The following MRPL3 variants were observed in gnomAD, a reference collection of about 807,000 sequenced individuals.
The protein encoded by MRPL3 is large ribosomal subunit protein uL3m.
MRPL3 carries 43 observed loss-of-function variants against 44.3 expected under a neutral mutation model. The observed-to-expected ratio is 0.97, with a 90% CI of 0.76 to 1.25. The LOEUF (loss-of-function observed/expected upper bound fraction) is 1.25, where lower values mean the gene tolerates loss of function less well. MRPL3 is among the 50% of genes most tolerant of loss of function. The pLI is 0.00. For missense variants in MRPL3, 406 were observed against 427.6 expected (o/e 0.95, Z 0.45); for synonymous variants, 171 against 152.3 (o/e 1.12, Z -0.91).
At position 131,501,555 on chromosome 3, in the gene MRPL3, A is replaced by G; in HGVS notation, c.253T>C (p.Trp85Arg). The change falls in exon 2 of 10, where the codon TGG becomes CGG. Residue 85 changes from tryptophan to arginine, a missense_variant. By Grantham distance (101) the Trp-to-Arg change is moderately radical. Transcript: ENST00000264995. Reference sequence around the variant, plus strand: ...CCTGGTTCCCAAGGATGTATAGGCCATGGTTCATCTTTCAGAGGACACAGT... The same window carrying G: ...CCTGGTTCCCAAGGATGTATAGGCCGTGGTTCATCTTTCAGAGGACACAGT... ...SKLCPLKDEP[W>R]PIHPWEPGSF... 6.2e-7 allele frequency: 1 copy of G among 1,612,010 alleles called. No homozygotes were observed. Among genetic ancestry groups the G allele is most frequent in the Non-Finnish European group, 8.5e-7 (1 of 1,179,870 alleles).
chr3:131,494,994 G>A (rs1390968460), intron 4 of MRPL3, among the ~76,000 whole-genome samples: 3 of 151,948 alleles, frequency 2.0e-5, no homozygotes, highest in Non-Finnish European at 4.4e-5. Flanking sequence ...CAATGTTTAA[G>A]GCCACTTAAC....
intron 9 of MRPL3, among the ~76,000 whole-genome samples, chr3:131,467,270 A>C (rs1033236365): frequency 2.6e-5 from 4 of 151,920 alleles, no homozygotes; most frequent in South Asian, 2.1e-4. Context: ...ACACACACAC[A>C]CACCCACCAC....
intron 6 of MRPL3, among the ~76,000 whole-genome samples, chr3:131,486,163 C>A (rs1430234022): frequency 6.6e-6 from 1 of 151,712 alleles, no homozygotes; most frequent in African/African-American, 2.4e-5. Flanking sequence ...TTTCTTACAC[C>A]TTATACAAAA....
rs557675503 is a variant in MRPL3 at position 131,499,913 on chromosome 3, G to A, written c.369+517C>T. On this transcript the variant is annotated intron_variant, in intron 3 of 9. Coordinates refer to ENST00000264995, the MANE Select transcript of MRPL3 (RefSeq NM_007208.4). ...ACAGAATAGAGTATCTTTTACAGAT[G>A]AGGCACAGTGCTCCAAGGAACACAC... Among the ~76,000 whole-genome samples, 6 of 152,260 alleles carry A rather than the reference G, an allele frequency of 3.9e-5. No homozygotes were observed. In the South Asian group the frequency reaches 6.2e-4, roughly 16 times the overall value.
chr3:131,469,690 A>G lies in MRPL3; in HGVS notation c.816+6T>C. On this transcript the variant is annotated splice_donor_region_variant and intron_variant, in intron 8 of 9. Transcript: ENST00000264995. Reference sequence around the variant, plus strand: ...GTTCCTAAAAAGAACCACTTGTAACACTTACTTTCAGTCCATATTCTGTCC... The same window carrying G: ...GTTCCTAAAAAGAACCACTTGTAACGCTTACTTTCAGTCCATATTCTGTCC... 1.0e-5 allele frequency: 16 copies of G among 1,602,164 alleles called. No individual in the cohort carries two copies. Among genetic ancestry groups the G allele is most frequent in the Non-Finnish European group, 1.4e-5 (16 of 1,172,290 alleles).
chr3:131,490,029 G>A lies in MRPL3; in HGVS notation c.520C>T (p.Gln174Ter), dbSNP rs1443421880. 6.2e-7 allele frequency: 1 copy of A among 1,612,130 alleles called. No individual in the cohort carries two copies. The highest frequency in any genetic ancestry group is 8.5e-7 in the Non-Finnish European group (1 of 1,178,578). ...FYRELGLPPKQTVKIFNITDN... is the reference protein window; with the variant it reads ...FYRELGLPPK ...GTTATATTAAAGATTTTAACTGTCT[G>A]TTTCGGCGGCAATCCAAGTTCCCGG... Residue 174 changes from glutamine to a stop codon, truncating the protein, a stop_gained, in exon 5 of 10, where the codon CAG (glutamine) becomes TAG (stop). Coordinates refer to ENST00000264995, the MANE Select transcript of MRPL3 (RefSeq NM_007208.4). LOFTEE classifies it high-confidence loss of function.
intron 7 of MRPL3, 117 bp downstream of exon 7, chr3:131,471,054 T>C (rs954218765): frequency 1.2e-5 from 8 of 688,632 alleles, no homozygotes; most frequent in Admixed American, 2.5e-5. Flanking sequence ...GACAAGTACA[T>C]GGAGTCCCCT....
rs780864195 is a variant in MRPL3, at chr3:131,502,754, C to G, written c.68G>C (p.Gly23Ala). The G allele has an allele frequency of 6.2e-7, 1 of 1,612,364 alleles. No individual in the cohort carries two copies. The highest frequency in any genetic ancestry group is 8.5e-7 in the Non-Finnish European group (1 of 1,179,106). ...QVLGRLGDGL[G>A]AALGPGNRTH... is the part of the protein sequence containing the mutation. ...CCTGTTCCCCGGGCCCAGGGCAGCA[C>G]CCAGGCCGTCCCCGAGTCGACCCAG... Residue 23 changes from glycine (G) to alanine (A), a missense_variant, in exon 1 of 10, where the codon GGT becomes GCT. Gly to Ala is a moderately conservative substitution (Grantham distance 60). Transcript: ENST00000264995.
At chr3:131,493,069 C>G (rs551245147) in intron 4 of MRPL3, among the ~76,000 whole-genome samples, 10 of 152,272 alleles carry the variant, frequency 6.6e-5, no homozygotes, top group African/African-American at 2.4e-4. Flanking sequence ...TGTTCGCTCT[C>G]CCTCAACTTT....
intron 6 of MRPL3, among the ~76,000 whole-genome samples, chr3:131,485,257 A>C (rs996475498): frequency 2.0e-5 from 3 of 152,208 alleles, no homozygotes; most frequent in Non-Finnish European, 2.9e-5. Flanking sequence ...TATGAGATGA[A>C]AGCATTCACT....
At chr3:131,492,918 T>C (rs1293161687) in intron 4 of MRPL3, among the ~76,000 whole-genome samples, 2 of 152,206 alleles carry the variant, frequency 1.3e-5, no homozygotes, top group African/African-American at 4.8e-5. Flanking sequence ...TTATAATTCC[T>C]GGGTCTTCCC....
intron 4 of MRPL3, among the ~76,000 whole-genome samples, chr3:131,491,162 C>G (rs1934248382): frequency 6.6e-6 from 1 of 152,130 alleles, no homozygotes; most frequent in South Asian, 2.1e-4. Context: ...AAAGACTTGC[C>G]AAGTCTACTT....
chr3:131,497,161 A>G (rs1370122047), intron 4 of MRPL3, among the ~76,000 whole-genome samples: 3 of 152,194 alleles, frequency 2.0e-5, no homozygotes, highest in Admixed American at 1.3e-4. Context: ...CTTCCTCACT[A>G]GCTTATGAGC....
At position 131,502,746 on chromosome 3, in the gene MRPL3, G is replaced by A; in HGVS notation, c.76C>T (p.Leu26=). Residue 26 remains leucine (L), a synonymous_variant, in exon 1 of 10, where the codon CTG becomes TTG. Coordinates refer to ENST00000264995, the MANE Select transcript of MRPL3 (RefSeq NM_007208.4). The stretch of plus-strand genomic sequence containing the variant: ...CCTTCCTACCTGTTCCCCGGGCCCA[G>A]GGCAGCACCCAGGCCGTCCCCGAGT... ...GRLGDGLGAA[L]GPGNRTHIWL... is the part of the protein sequence containing the mutation. 1 of 1,611,776 alleles carries A rather than the reference G, an allele frequency of 6.2e-7. No homozygotes were observed. Among genetic ancestry groups the A allele is most frequent in the South Asian group, 1.1e-5 (1 of 90,756 alleles).
intron 4 of MRPL3, among the ~76,000 whole-genome samples, chr3:131,497,804 TAAAAC>T (rs2110715218): frequency 1.3e-5 from 2 of 152,250 alleles, no homozygotes; most frequent in East Asian, 3.9e-4. Context: ...AAATGAAACA[TAAAAC>T]AATAACAAAA....
rs534517249 is a variant in MRPL3 at position 131,464,509 on chromosome 3, C to T, written c.895-1634G>A. On this transcript the variant is annotated intron_variant, in intron 9 of 9. Transcript: ENST00000264995. The stretch of plus-strand genomic sequence containing the variant: ...GCACCAAGACTCCCTCAATTATCTA[C>T]CTCATTCTTTTTATGTCTATCAGCA... Among the ~76,000 whole-genome samples, 21 of 152,194 alleles carry T rather than the reference C, an allele frequency of 1.4e-4. 1 individual carries two copies. The highest frequency in any genetic ancestry group is 3.9e-4 in the Admixed American group (6 of 15,270).
intron 2 of MRPL3, 104 bp from the exon 3 acceptor site, chr3:131,500,625 A>C (rs557614408): frequency 1.2e-6 from 1 of 856,834 alleles, no homozygotes; most frequent in South Asian, 1.5e-5. Context: ...AGGAGCAGGC[A>C]CGTAAGAAAT....
chr3:131,477,229 G>A (rs1035663809), intron 6 of MRPL3, among the ~76,000 whole-genome samples: 1 of 152,180 alleles, frequency 6.6e-6, no homozygotes, highest in Non-Finnish European at 1.5e-5. Flanking sequence ...GGTGAAGAAT[G>A]ACCATATACC....
intron 4 of MRPL3, among the ~76,000 whole-genome samples, chr3:131,493,679 G>A (rs921074757): frequency 2.4e-4 from 36 of 152,276 alleles, no homozygotes; most frequent in African/African-American, 7.0e-4. Context: ...GGAACACGAC[G>A]TTACTGTGTT....
Sources: gnomAD v4.1 joint callset for allele counts (sites outside exome capture counted in the v4.1 genomes callset) on GRCh38, gnomAD v4.1.1 for gene constraint, MANE v1.5 for transcripts, NCBI Gene and HGNC (gene_info 2026-07-23, HGNC 2026-07-21) for gene names.